The following MAPKAP1 variants were observed in gnomAD, a reference collection of about 807,000 sequenced individuals.
The protein encoded by MAPKAP1 is target of rapamycin complex 2 subunit MAPKAP1.
A neutral mutation model predicts 65.7 loss-of-function variants in MAPKAP1; 20 were observed. The ratio of observed to expected loss-of-function variants is 0.30; its 90% CI spans 0.21 to 0.44. The LOEUF is 0.44. Ranked by LOEUF, MAPKAP1 falls within the 20% of genes least tolerant of loss-of-function variation. The pLI, the probability that MAPKAP1 is intolerant of heterozygous loss-of-function variation, is 1.00. For synonymous variants in MAPKAP1, 222 were observed against 244.3 expected, an observed-to-expected ratio of 0.91 and a Z score of 0.85; for missense variants, 423 against 648.0, an observed-to-expected ratio of 0.65 and a Z score of 3.77.
intron 11 of MAPKAP1, 99 bp downstream of exon 11, chr9:125,444,402 T>C: frequency 1.1e-6 from 1 of 923,198 alleles, no homozygotes; most frequent in South Asian, 1.6e-5. Context: ...GAACCTTCTA[T>C]AGAGCTGCGG....
At chr9:125,597,242 A>G (rs189306856) in intron 4 of MAPKAP1, among the ~76,000 whole-genome samples, 3,084 of 129,002 alleles carry the variant, frequency 0.024, 43 homozygotes, top group South Asian at 0.048. Context: ...TCCAGCCTGG[A>G]CGACAGAGCG....
Position 125,487,153 on chromosome 9 carries a change from T to C in MAPKAP1, c.1067-2570A>G, listed in dbSNP as rs12344707. Among the ~76,000 whole-genome samples the C allele has an allele frequency of 7.1e-3, 1,088 of 152,226 alleles. 14 individuals carry two copies. The highest frequency in any genetic ancestry group is 0.025 in the African/African-American group (1,039 of 41,538). On this transcript the variant is annotated intron_variant, in intron 8 of 11. Coordinates refer to ENST00000265960, the MANE Select transcript of MAPKAP1 (RefSeq NM_001006617.3). The stretch of plus-strand genomic sequence containing the variant: ...AAGAGACAGAGTGACTTAACCAACA[T>C]TGCACCTCCAGGACACTGCAGAGCT...
chr9:125,531,420 C>T (rs1285793690), intron 7 of MAPKAP1, among the ~76,000 whole-genome samples: 4 of 152,216 alleles, frequency 2.6e-5, no homozygotes, highest in Non-Finnish European at 5.9e-5. Flanking sequence ...TCTGGCAGAT[C>T]ACCTGGCCAA....
intron 4 of MAPKAP1, among the ~76,000 whole-genome samples, chr9:125,588,123 T>G (rs143650278): frequency 6.6e-6 from 1 of 152,206 alleles, no homozygotes; most frequent in Non-Finnish European, 1.5e-5. Context: ...CAAATGTTCA[T>G]AGCAGTATTA....
At chr9:125,628,665 T>C (rs1257767029) in intron 4 of MAPKAP1, among the ~76,000 whole-genome samples, 1 of 152,170 alleles carries the variant, frequency 6.6e-6, no homozygotes, top group African/African-American at 2.4e-5. Flanking sequence ...GTAACAATGA[T>C]TTCTTGGAAT....
chr9:125,663,117 T>A (rs984326005), intron 3 of MAPKAP1, among the ~76,000 whole-genome samples: 1 of 152,132 alleles, frequency 6.6e-6, no homozygotes, highest in African/African-American at 2.4e-5. Flanking sequence ...ACATATCACA[T>A]CACTACTCTG....
At chr9:125,462,209 G>C (rs1432618553) in intron 10 of MAPKAP1, among the ~76,000 whole-genome samples, 1 of 152,178 alleles carries the variant, frequency 6.6e-6, no homozygotes, top group Non-Finnish European at 1.5e-5. Flanking sequence ...GATAAGCTGG[G>C]GTGTGCCCAG....
intron 9 of MAPKAP1, among the ~76,000 whole-genome samples, chr9:125,481,682 A>G (rs776058741): frequency 6.6e-6 from 1 of 151,906 alleles, no homozygotes; most frequent in South Asian, 2.1e-4. Context: ...TTTGTCTCCC[A>G]AAGTGCTGGG....
intron 2 of MAPKAP1, among the ~76,000 whole-genome samples, 184 bp from the exon 3 acceptor site, chr9:125,670,091 T>C (rs985775236): frequency 4.6e-5 from 7 of 152,170 alleles, no homozygotes; most frequent in Non-Finnish European, 5.9e-5. Context: ...ATATTCTTGA[T>C]TTATAATTGA....
chr9:125,676,953 T>C (rs1834663751), intron 1 of MAPKAP1, among the ~76,000 whole-genome samples: 1 of 152,248 alleles, frequency 6.6e-6, no homozygotes, highest in African/African-American at 2.4e-5. Context: ...GGGAGGAATC[T>C]AGTAACAATA....
intron 5 of MAPKAP1, among the ~76,000 whole-genome samples, chr9:125,574,706 T>A (rs978074791): frequency 2.6e-5 from 4 of 152,226 alleles, no homozygotes; most frequent in Non-Finnish European, 5.9e-5. Flanking sequence ...TAAATTACAC[T>A]ACTACTGCTG....
chr9:125,704,703 T>G lies in MAPKAP1; in HGVS notation c.-70+2268A>C, dbSNP rs140155306. Among the ~76,000 whole-genome samples the G allele has an allele frequency of 2.7e-3, 416 of 152,232 alleles. 4 individuals carry two copies. The highest frequency in any genetic ancestry group is 9.5e-3 in the African/African-American group (396 of 41,538). ...TCTGACCCCTACCGCCCCTCCAACT[T>G]TACGTCCTTGTACCCTGCTAAAAGA... On this transcript the variant is annotated intron_variant, in intron 1 of 11. Coordinates refer to ENST00000265960, the MANE Select transcript of MAPKAP1 (RefSeq NM_001006617.3).
chr9:125,570,079 T>A (rs1023042831), intron 5 of MAPKAP1, among the ~76,000 whole-genome samples: 3 of 152,350 alleles, frequency 2.0e-5, no homozygotes, highest in African/African-American at 7.2e-5. Context: ...CTTAAAGCCA[T>A]TAAATGCTAG....
intron 4 of MAPKAP1, among the ~76,000 whole-genome samples, chr9:125,632,860 G>C (rs1189740502): frequency 6.6e-6 from 1 of 152,194 alleles, no homozygotes; most frequent in Admixed American, 6.5e-5. Context: ...AATGTGACTG[G>C]AGAATATCTC....
intron 2 of MAPKAP1, among the ~76,000 whole-genome samples, chr9:125,671,028 T>A (rs891328715): frequency 6.6e-6 from 1 of 152,194 alleles, no homozygotes; most frequent in African/African-American, 2.4e-5. Context: ...GAAAACTACA[T>A]TCAATTGCAA....
rs1454740899 is a variant in MAPKAP1 at position 125,685,930 on chromosome 9, C to G, written c.-69-13287G>C. 6.6e-5 allele frequency among the ~76,000 whole-genome samples: 10 copies of G among 152,346 alleles called. No homozygotes were observed. In the South Asian group the frequency reaches 1.9e-3, roughly 28 times the overall value. ...AATCTAAGATTTATTTTCCTTCTAT[C>G]AGCTCCTCAGCGTTTGAAGTTTGCT... On this transcript the variant is annotated intron_variant, in intron 1 of 11. Transcript: ENST00000265960.
chr9:125,608,596 C>CAGACCATT (rs1362563126), intron 4 of MAPKAP1, among the ~76,000 whole-genome samples: 4 of 152,220 alleles, frequency 2.6e-5, no homozygotes, highest in Non-Finnish European at 4.4e-5. Flanking sequence ...TTTCCGCCTT[C>CAGACCATT]AGACCATTAT....
chr9:125,469,728 C>G (rs527483104), intron 9 of MAPKAP1, among the ~76,000 whole-genome samples: 1 of 152,304 alleles, frequency 6.6e-6, no homozygotes, highest in South Asian at 2.1e-4. Flanking sequence ...TGTCGTAAGT[C>G]CAGCTGACTC....
chr9:125,587,773 A>G (rs557064537), intron 4 of MAPKAP1, among the ~76,000 whole-genome samples: 16 of 152,378 alleles, frequency 1.1e-4, no homozygotes, highest in Non-Finnish European at 1.5e-4. Context: ...ACATTTCTCC[A>G]AAGAAGATAC....
Sources: allele counts gnomAD v4.1 joint callset (sites outside exome capture counted in the v4.1 genomes callset), GRCh38; gene constraint gnomAD v4.1.1; transcripts MANE v1.5; gene names NCBI Gene and HGNC (gene_info 2026-07-23, HGNC 2026-07-21).